ELAVL3: variants seen among roughly 807,000 people sequenced by gnomAD.
ELAVL3 encodes ELAV-like protein 3.
ELAVL3 carries 8 observed loss-of-function variants against 34.2 expected under a neutral mutation model. The ratio of observed to expected loss-of-function variants is 0.23; its 90% CI spans 0.14 to 0.42. ELAVL3 has a LOEUF of 0.42. ELAVL3 is among the 10% of genes least tolerant of loss of function. The pLI, the probability that ELAVL3 is intolerant of heterozygous loss-of-function variation, is 1.00. For missense variants in ELAVL3, 273 were observed against 518.8 expected, an observed-to-expected ratio of 0.53 and a Z score of 4.60; for synonymous variants, 209 against 222.1, an observed-to-expected ratio of 0.94 and a Z score of 0.53.
intron 1 of ELAVL3, among the ~76,000 whole-genome samples, chr19:11,471,491 T>C (rs1971163371): frequency 1.3e-5 from 2 of 151,852 alleles, no homozygotes; most frequent in South Asian, 4.1e-4. Context: ...CACACGCCTG[T>C]AATCCCAGCT....
Position 11,451,955 on chromosome 19 carries a change from C to T in ELAVL3, c.*2571G>A, listed in dbSNP as rs1178847964. On this transcript the variant is annotated 3_prime_UTR_variant, in exon 7 of 7. Coordinates refer to ENST00000359227, the MANE Select transcript of ELAVL3 (RefSeq NM_001420.4). ...ATGCAGAGGGCGGAGGGGAGAGAGC[C>T]CCAAGAGACAGCAGGGGAGAGGGGT... The T allele has an allele frequency of 6.6e-6, 1 of 152,096 alleles. No homozygotes were observed. Among genetic ancestry groups the T allele is most frequent in the African/African-American group, 2.4e-5 (1 of 41,406 alleles). 9.4% of individuals were successfully genotyped at this position (152,096 alleles called of 1,614,324 possible).
At chr19:11,470,212 A>C (rs1269101393) in intron 1 of ELAVL3, among the ~76,000 whole-genome samples, 1 of 151,976 alleles carries the variant, frequency 6.6e-6, no homozygotes, top group African/African-American at 2.4e-5. Context: ...ACAATTAGCC[A>C]GGTGTGGTGG....
chr19:11,456,327 G>A (rs311791), intron 6 of ELAVL3, among the ~76,000 whole-genome samples: 22,942 of 151,234 alleles, frequency 0.15, 1,960 homozygotes, highest in African/African-American at 0.22. Flanking sequence ...GCTGGTCTTG[G>A]ACTCCTGACC....
chr19:11,465,318 C>T (rs1160856257), intron 3 of ELAVL3, among the ~76,000 whole-genome samples: 1 of 148,850 alleles, frequency 6.7e-6, no homozygotes, highest in Non-Finnish European at 1.5e-5. Context: ...CACACACATA[C>T]ACACATGCAC....
rs544515244 is a variant in ELAVL3, at chr19:11,453,188, G to C, written c.*1338C>G. 9 of 149,900 alleles carry C rather than the reference G, an allele frequency of 6.0e-5. No individual in the cohort carries two copies. The highest frequency in any genetic ancestry group is 1.3e-4 in the Non-Finnish European group (9 of 67,518). 9.3% of individuals were successfully genotyped at this position (149,900 alleles called of 1,614,324 possible). A position where few individuals can be genotyped will look rare whatever the true frequency, so the allele number is the denominator to read the frequency against. ...ACAGGGGTGTCCTTTGGCCTCAAGTGTTGTGGGGGGGGGGGCTGCCTCCAG... is the reference window on the plus strand; with the variant it reads ...ACAGGGGTGTCCTTTGGCCTCAAGTCTTGTGGGGGGGGGGGCTGCCTCCAG... On this transcript the variant is annotated 3_prime_UTR_variant, in exon 7 of 7. Transcript: ENST00000359227.
intron 1 of ELAVL3, among the ~76,000 whole-genome samples, chr19:11,474,193 T>C (rs372422730): frequency 1.3e-5 from 2 of 152,162 alleles, no homozygotes; most frequent in East Asian, 1.9e-4. Flanking sequence ...CCACCATGCC[T>C]GGCTAATTTT....
intron 3 of ELAVL3, among the ~76,000 whole-genome samples, chr19:11,465,639 G>A (rs1408787596): frequency 6.6e-6 from 1 of 151,984 alleles, no homozygotes; most frequent in Non-Finnish European, 1.5e-5. Flanking sequence ...TTGCAGGGCG[G>A]AGCCCAAACA....
intron 3 of ELAVL3, among the ~76,000 whole-genome samples, chr19:11,459,522 C>T (rs966917697): frequency 6.6e-6 from 1 of 151,824 alleles, no homozygotes. Flanking sequence ...CCGCCTCCGC[C>T]TCCCAAAGTG....
chr19:11,464,040 G>A (rs961286600), intron 3 of ELAVL3, among the ~76,000 whole-genome samples: 17 of 148,754 alleles, frequency 1.1e-4, no homozygotes, highest in Admixed American at 7.4e-4. Flanking sequence ...GGATATACCC[G>A]AAGTCTTAAA....
At chr19:11,462,961 C>CAAA (rs1169791063) in intron 3 of ELAVL3, among the ~76,000 whole-genome samples, 3 of 73,062 alleles carry the variant, frequency 4.1e-5, no homozygotes, top group African/African-American at 7.9e-5. Flanking sequence ...GACTCCGTCT[C>CAAA]AAAAAAAAAA....
intron 3 of ELAVL3, among the ~76,000 whole-genome samples, chr19:11,459,867 A>C (rs1970847360): frequency 6.6e-6 from 1 of 152,008 alleles, no homozygotes; most frequent in Admixed American, 6.6e-5. Context: ...GACTACAGGC[A>C]TGCACCACCA....
intron 3 of ELAVL3, among the ~76,000 whole-genome samples, chr19:11,464,578 A>C (rs996399016): frequency 1.4e-5 from 2 of 147,040 alleles, no homozygotes; most frequent in African/African-American, 5.1e-5. Context: ...ACACACACAC[A>C]CCCCACACAC....
chr19:11,477,432 A>G (rs1234695986), intron 1 of ELAVL3, among the ~76,000 whole-genome samples: 2 of 152,012 alleles, frequency 1.3e-5, no homozygotes, highest in Non-Finnish European at 2.9e-5. Context: ...TGCACCACCC[A>G]GCCGGCTAAT....
chr19:11,464,123 G>GTCTCTCTCTGTCTCTCTCTC (rs1317749325), intron 3 of ELAVL3, among the ~76,000 whole-genome samples: 86 of 110,926 alleles, frequency 7.8e-4, no homozygotes, highest in African/African-American at 3.5e-3. Flanking sequence ...GTCTCTCTCT[G>GTCTCTCTCTGTCTCTCTCTC]TCTCTCTCTC....
Position 11,458,647 on chromosome 19 carries a change from G to C in ELAVL3, c.334-36C>G. 6.2e-7 allele frequency: 1 copy of C among 1,609,794 alleles called. No individual in the cohort carries two copies. The highest frequency in any genetic ancestry group is 1.1e-5 in the South Asian group (1 of 90,942). On this transcript the variant is annotated intron_variant, in intron 3 of 6. Coordinates refer to ENST00000359227, the MANE Select transcript of ELAVL3 (RefSeq NM_001420.4). The surrounding 1 kb of genome is among the most constrained non-coding windows in gnomAD (Gnocchi z 7.3). ...GGGTCAGATGGACAGGGGTGAGGCA[G>C]AGACCCATTTCACAGATGGAGAGAG...
At chr19:11,465,697 A>T (rs972381890) in intron 3 of ELAVL3, among the ~76,000 whole-genome samples, 33 of 152,158 alleles carry the variant, frequency 2.2e-4, no homozygotes, top group African/African-American at 7.7e-4. Context: ...ATTCCCCCCC[A>T]GGGAACCTGG....
chr19:11,465,522 C>T (rs1481082555), intron 3 of ELAVL3, among the ~76,000 whole-genome samples: 1 of 151,516 alleles, frequency 6.6e-6, no homozygotes, highest in African/African-American at 2.4e-5. Flanking sequence ...CCCAACCCCC[C>T]ACATCAGGAA....
chr19:11,468,500 T>C (rs1045011896), intron 1 of ELAVL3, among the ~76,000 whole-genome samples: 3 of 151,778 alleles, frequency 2.0e-5, no homozygotes, highest in Non-Finnish European at 2.9e-5. Context: ...CTGCCACCTC[T>C]GCCTCCCAGG....
chr19:11,457,668 CAG>C (rs962326536), intron 5 of ELAVL3, among the ~76,000 whole-genome samples: 2 of 152,198 alleles, frequency 1.3e-5, no homozygotes, highest in Admixed American at 6.5e-5. Context: ...GTCCATAAAA[CAG>C]GGACAACACA....
Sources: allele counts gnomAD v4.1 joint callset (sites outside exome capture counted in the v4.1 genomes callset), GRCh38; gene constraint gnomAD v4.1.1; non-coding constraint Gnocchi (gnomAD v3.1); transcripts MANE v1.5; gene names NCBI Gene and HGNC (gene_info 2026-07-23, HGNC 2026-07-21).